The following TIAM1 variants were observed in gnomAD, a reference collection of about 807,000 sequenced individuals.
The protein encoded by TIAM1 is rho guanine nucleotide exchange factor TIAM1.
A neutral mutation model predicts 163.5 loss-of-function variants in TIAM1; 65 were observed. The observed-to-expected ratio is 0.40, with a 90% confidence interval of 0.33 to 0.49. The LOEUF is 0.49. TIAM1 is among the 20% of genes least tolerant of loss of function. The pLI, the probability that TIAM1 is intolerant of heterozygous loss-of-function variation, is 0.77. For missense variants in TIAM1, 1,789 were observed against 2,044.7 expected (o/e 0.87, Z 2.41); for synonymous variants, 833 against 810.1 (o/e 1.03, Z -0.48).
In TIAM1 at chr21:31,217,573, C is replaced by T; in HGVS notation, c.2122G>A (p.Gly708Arg). 1 of 1,613,786 alleles carries T rather than the reference C, an allele frequency of 6.2e-7. No homozygotes were observed. The highest frequency in any genetic ancestry group is 8.5e-7 in the Non-Finnish European group (1 of 1,179,852). Reference protein sequence around the residue: ...GLDTTSKKKQGRPSINQVFGE... With the variant: ...GLDTTSKKKQRRPSINQVFGE... ...CCTACCTGATTGATGCTTGGCCGTCCCTGCTTCTTTTTGGAGGTAGTATCC... is the reference window on the plus strand; with the variant it reads ...CCTACCTGATTGATGCTTGGCCGTCTCTGCTTCTTTTTGGAGGTAGTATCC... Residue 708 changes from glycine to arginine, a missense_variant, in exon 9 of 28, where the codon GGA becomes AGA. Gly to Arg is a moderately radical substitution (Grantham distance 125). Transcript: ENST00000541036.
At chr21:31,513,265 G>A (rs1052158540) in intron 1 of TIAM1, among the ~76,000 whole-genome samples, 29 of 152,174 alleles carry the variant, frequency 1.9e-4, no homozygotes, top group Middle Eastern at 3.4e-3. Flanking sequence ...TATGAAATAG[G>A]TAAACTATAT....
intron 2 of TIAM1, among the ~76,000 whole-genome samples, chr21:31,296,938 C>T (rs192721553): frequency 1.8e-4 from 28 of 152,290 alleles, no homozygotes; most frequent in South Asian, 1.5e-3. Flanking sequence ...GCTGGGATTA[C>T]GGGCATGAGC....
intron 1 of TIAM1, among the ~76,000 whole-genome samples, chr21:31,540,518 C>T (rs777993942): frequency 2.0e-5 from 3 of 152,202 alleles, no homozygotes; most frequent in Non-Finnish European, 4.4e-5. Context: ...GCAGGAGGAT[C>T]GCTTAAGCCT....
chr21:31,279,933 A>C (rs2146870866), intron 2 of TIAM1, among the ~76,000 whole-genome samples: 1 of 152,270 alleles, frequency 6.6e-6, no homozygotes. Flanking sequence ...CTGTGGAACA[A>C]GGAGAGTTAA....
intron 2 of TIAM1, among the ~76,000 whole-genome samples, chr21:31,382,607 G>A (rs1052263010): frequency 1.3e-5 from 2 of 152,168 alleles, no homozygotes; most frequent in Non-Finnish European, 2.9e-5. Context: ...CAATTAATGA[G>A]ACGGATGTAG....
At position 31,355,568 on chromosome 21, in the gene TIAM1, T is replaced by TTTATTTAC. The variant is rs1034476961; in HGVS notation, c.-368-16147_-368-16146insGTAAATAA. ...ATTTATTTATTTATTTATTTATTTA[T>TTTATTTAC]TGAGAAAGAGTCTCGCCCTGTTGCT... On this transcript the variant is annotated intron_variant, in intron 2 of 28. Coordinates refer to the TIAM1 transcript ENST00000286827. Among the ~76,000 whole-genome samples the TTTATTTAC allele has an allele frequency of 4.1e-4, 58 of 141,694 alleles. No homozygotes were observed. The South Asian group carries it at 4.8e-3, about 12-fold the overall frequency. The allele number at this position is 141,694 out of a possible 152,430, so 93.0% of individuals were successfully genotyped here.
chr21:31,269,637 A>G (rs1046130575), intron 3 of TIAM1, among the ~76,000 whole-genome samples: 7 of 150,878 alleles, frequency 4.6e-5, no homozygotes, highest in African/African-American at 1.7e-4. Context: ...CCCACTGGCA[A>G]CCCCCAGAAA....
chr21:31,475,064 T>TTATTATTATC (rs2045894907), intron 1 of TIAM1, among the ~76,000 whole-genome samples: 1 of 82,398 alleles, frequency 1.2e-5, no homozygotes, highest in Non-Finnish European at 2.3e-5. Context: ...TATTATTATT[T>TTATTATTATC]AGTTTTAGAC....
intron 6 of TIAM1, among the ~76,000 whole-genome samples, chr21:31,226,546 G>T (rs1318081234): frequency 6.6e-6 from 1 of 152,138 alleles, no homozygotes; most frequent in Non-Finnish European, 1.5e-5. Flanking sequence ...TGCTAAAAGT[G>T]GCCTGTTTGA....
intron 1 of TIAM1, among the ~76,000 whole-genome samples, chr21:31,556,577 C>A: frequency 6.6e-6 from 1 of 151,750 alleles, no homozygotes; most frequent in East Asian, 1.9e-4. Flanking sequence ...AGCCTGAGAT[C>A]ATCTGATCTG....
intron 16 of TIAM1, chr21:31,160,918 A>G (rs1367246843): frequency 6.3e-6 from 1 of 159,576 alleles, no homozygotes; most frequent in Non-Finnish European, 1.4e-5. Flanking sequence ...TCTGCCCTGC[A>G]GCCTGAGATC....
intron 5 of TIAM1, among the ~76,000 whole-genome samples, chr21:31,245,894 T>G (rs910422463): frequency 6.6e-6 from 1 of 152,156 alleles, no homozygotes; most frequent in Non-Finnish European, 1.5e-5. Context: ...CTGCATGCCC[T>G]CAAGTTCTCT....
chr21:31,220,628 C>G (rs2087504224), intron 8 of TIAM1, among the ~76,000 whole-genome samples: 1 of 152,214 alleles, frequency 6.6e-6, no homozygotes, highest in South Asian at 2.1e-4. Flanking sequence ...GTCTGTTTAA[C>G]AAACACTTTA....
At chr21:31,121,023 T>A (rs1404231313) in intron 27 of TIAM1, among the ~76,000 whole-genome samples, 186 bp from the exon 28 acceptor site, 1 of 152,144 alleles carries the variant, frequency 6.6e-6, no homozygotes, top group Non-Finnish European at 1.5e-5. Flanking sequence ...TGTCGAGGTA[T>A]CTGGACTTAG....
At chr21:31,157,611 A>T (rs956014243) in intron 16 of TIAM1, among the ~76,000 whole-genome samples, 31 of 152,058 alleles carry the variant, frequency 2.0e-4, no homozygotes, top group African/African-American at 6.3e-4. Flanking sequence ...CCATTCCATC[A>T]CAGGGTGCAC....
chr21:31,477,474 A>ATTTTTTT (rs58353334), intron 1 of TIAM1, among the ~76,000 whole-genome samples: 2 of 132,174 alleles, frequency 1.5e-5, no homozygotes, highest in Non-Finnish European at 3.1e-5. Context: ...AACTAAATGC[A>ATTTTTTT]TTTTTTTTTT....
intron 2 of TIAM1, among the ~76,000 whole-genome samples, chr21:31,332,010 T>C (rs2075692012): frequency 1.3e-5 from 2 of 152,230 alleles, no homozygotes; most frequent in South Asian, 4.1e-4. Context: ...CATGCTCCTG[T>C]GTTCTCTTCA....
chr21:31,150,430 GA>G (rs1463029477), intron 19 of TIAM1, among the ~76,000 whole-genome samples: 1 of 152,102 alleles, frequency 6.6e-6, no homozygotes, highest in Non-Finnish European at 1.5e-5. Flanking sequence ...ATACACATAT[GA>G]ACAGCTCATT....
At chr21:31,403,770 T>C (rs564986269) in intron 2 of TIAM1, among the ~76,000 whole-genome samples, 1 of 152,218 alleles carries the variant, frequency 6.6e-6, no homozygotes, top group South Asian at 2.1e-4. Flanking sequence ...TTGATGCATC[T>C]TGCTTGATAC....
Sources: allele counts gnomAD v4.1 joint callset (sites outside exome capture counted in the v4.1 genomes callset), GRCh38; gene constraint gnomAD v4.1.1; transcripts MANE v1.5; gene names NCBI Gene and HGNC (gene_info 2026-07-23, HGNC 2026-07-21).